COG5: variants seen among roughly 807,000 people sequenced by gnomAD.
COG5 encodes the protein conserved oligomeric Golgi complex subunit 5.
Under a neutral mutation model 110.4 loss-of-function variants are expected in COG5, and 86 were observed. That is an observed-to-expected ratio of 0.78 (90% CI 0.65 to 0.93). The LOEUF (loss-of-function observed/expected upper bound fraction) is 0.93. Among genes scored for constraint, COG5 ranks in the 40% least tolerant of loss-of-function variants. The pLI, the probability that COG5 is intolerant of heterozygous loss-of-function variation, is 0.00. For synonymous variants in COG5, 360 were observed against 334.6 expected (o/e 1.08, Z -0.83); for missense variants, 1,077 against 987.0 (o/e 1.09, Z -1.22).
At chr7:107,393,061 T>G (rs1790740454) in intron 7 of COG5, among the ~76,000 whole-genome samples, 1 of 152,152 alleles carries the variant, frequency 6.6e-6, no homozygotes, top group Non-Finnish European at 1.5e-5. Flanking sequence ...CATACCAGAC[T>G]CCCCATACTC....
chr7:107,241,704 G>A (rs551397044), intron 17 of COG5, among the ~76,000 whole-genome samples: 1 of 151,844 alleles, frequency 6.6e-6, no homozygotes, highest in East Asian at 1.9e-4. Flanking sequence ...CGCCCGTCTC[G>A]GCCTCCCAAA....
intron 6 of COG5, among the ~76,000 whole-genome samples, chr7:107,505,108 G>GTACCA (rs1798895034): frequency 6.6e-6 from 1 of 152,104 alleles, no homozygotes; most frequent in Non-Finnish European, 1.5e-5. Flanking sequence ...GTCTCTTGAC[G>GTACCA]CTTAATCTCA....
chr7:107,553,215 C>A (rs1404229270), intron 3 of COG5, among the ~76,000 whole-genome samples: 6 of 152,128 alleles, frequency 3.9e-5, no homozygotes, highest in African/African-American at 1.4e-4. Flanking sequence ...TACAAACCTA[C>A]ACATATACCC....
chr7:107,420,415 ATAATCT>A (rs1295281058), intron 6 of COG5, among the ~76,000 whole-genome samples: 1 of 152,212 alleles, frequency 6.6e-6, no homozygotes, highest in East Asian at 1.9e-4. Flanking sequence ...ACATGTAGAG[ATAATCT>A]TAAGGAGTTC....
intron 3 of COG5, among the ~76,000 whole-genome samples, chr7:107,553,862 C>T (rs552214167): frequency 2.0e-5 from 3 of 152,328 alleles, no homozygotes; most frequent in Non-Finnish European, 4.4e-5. Context: ...CTAACACTTA[C>T]AGGTGCACTA....
At chr7:107,541,523 A>ATATATATATGT (rs923191098) in intron 5 of COG5, among the ~76,000 whole-genome samples, 1 of 57,028 alleles carries the variant, frequency 1.8e-5, no homozygotes, top group African/African-American at 6.7e-5. Flanking sequence ...AAAAAAAAAA[A>ATATATATATGT]ATATATATAT....
intron 11 of COG5, among the ~76,000 whole-genome samples, chr7:107,300,646 CA>C (rs931752175): frequency 6.6e-6 from 1 of 151,898 alleles, no homozygotes; most frequent in Non-Finnish European, 1.5e-5. Context: ...CTGAAAACTA[CA>C]AAAACAATGC....
intron 6 of COG5, among the ~76,000 whole-genome samples, chr7:107,435,408 T>C (rs1794304758): frequency 6.6e-6 from 1 of 152,272 alleles, no homozygotes; most frequent in East Asian, 1.9e-4. Context: ...ATCCCAGCAC[T>C]TTGGGAGGCC....
intron 6 of COG5, among the ~76,000 whole-genome samples, chr7:107,475,870 G>C (rs1199449894): frequency 6.6e-6 from 1 of 151,278 alleles, no homozygotes; most frequent in East Asian, 1.9e-4. Flanking sequence ...TGCTATATTT[G>C]ATGCATCACA....
At chr7:107,382,683 C>T (rs1481746522) in intron 7 of COG5, among the ~76,000 whole-genome samples, 2 of 152,128 alleles carry the variant, frequency 1.3e-5, no homozygotes, top group African/African-American at 4.8e-5. Flanking sequence ...AAGTGATCCA[C>T]CCGCCTCAGC....
intron 21 of COG5, 68 bp from the exon 22 acceptor site, chr7:107,203,698 A>C (rs1195443648): frequency 1.0e-6 from 1 of 976,424 alleles, no homozygotes; most frequent in East Asian, 2.5e-5. Flanking sequence ...AGGGGATACC[A>C]ATATATAAAA....
At chr7:107,543,933 C>A (rs1343450646) in intron 5 of COG5, among the ~76,000 whole-genome samples, 4 of 152,068 alleles carry the variant, frequency 2.6e-5, no homozygotes, top group Admixed American at 2.6e-4. Flanking sequence ...CAGTGCCAGG[C>A]CTGCCCCCAA....
chr7:107,361,093 T>C (rs999512344), intron 10 of COG5, among the ~76,000 whole-genome samples: 5 of 152,236 alleles, frequency 3.3e-5, no homozygotes, highest in African/African-American at 1.2e-4. Flanking sequence ...GGAAATTACC[T>C]ATACCATAAC....
At chr7:107,512,116 G>A (rs926946792) in intron 6 of COG5, among the ~76,000 whole-genome samples, 6 of 152,214 alleles carry the variant, frequency 3.9e-5, no homozygotes, top group South Asian at 2.1e-4. Flanking sequence ...GTCCCTGTTT[G>A]CAGATGACAT....
chr7:107,353,439 A>G (rs907883399), intron 10 of COG5, among the ~76,000 whole-genome samples: 4 of 151,424 alleles, frequency 2.6e-5, no homozygotes, highest in Non-Finnish European at 4.4e-5. Context: ...AAAAAAAAAA[A>G]AAAAGAAAAC....
At chr7:107,442,463 T>A (rs906820811) in intron 6 of COG5, among the ~76,000 whole-genome samples, 9 of 151,024 alleles carry the variant, frequency 6.0e-5, no homozygotes, top group Admixed American at 4.6e-4. Context: ...TGGCTGTATG[T>A]GTCAGGAGTA....
At chr7:107,286,227 GTACAAGATAA>G (rs1438180080) in intron 12 of COG5, among the ~76,000 whole-genome samples, 2 of 152,164 alleles carry the variant, frequency 1.3e-5, no homozygotes, top group African/African-American at 4.8e-5. Context: ...CAGGAGGGTA[GTACAAGATAA>G]TATCAGAGAA....
chr7:107,516,070 T>C (rs183140740), intron 6 of COG5, among the ~76,000 whole-genome samples: 2 of 152,052 alleles, frequency 1.3e-5, no homozygotes, highest in Admixed American at 6.5e-5. Context: ...TGATATAACT[T>C]AATCATTCAA....
At chr7:107,255,179 G>A (rs766779905) in intron 16 of COG5, among the ~76,000 whole-genome samples, 7 of 152,038 alleles carry the variant, frequency 4.6e-5, no homozygotes, top group Admixed American at 1.3e-4. Flanking sequence ...ATCCATTCCC[G>A]GTCTGGAACC....
Sources: gnomAD v4.1 joint callset for allele counts (sites outside exome capture counted in the v4.1 genomes callset) on GRCh38, gnomAD v4.1.1 for gene constraint, MANE v1.5 for transcripts, NCBI Gene and HGNC (gene_info 2026-07-23, HGNC 2026-07-21) for gene names.